ZNF512: variants seen among roughly 807,000 people sequenced by gnomAD.
The protein encoded by ZNF512 is zinc finger protein 512.
In ZNF512, 25 loss-of-function variants were observed where a neutral mutation model predicts 77.5. That is an observed-to-expected ratio of 0.32 (90% confidence interval 0.23 to 0.45). The LOEUF (loss-of-function observed/expected upper bound fraction) is 0.45. ZNF512 is among the 20% of genes least tolerant of loss of function. The probability of loss-of-function intolerance (pLI) is 1.00; values close to 1 mark genes in which losing one functional copy is unlikely to be tolerated. For missense variants in ZNF512, 483 were observed against 692.6 expected (o/e 0.70, Z 3.40); for synonymous variants, 246 against 239.9 (o/e 1.03, Z -0.24).
intron 9 of ZNF512, among the ~76,000 whole-genome samples, chr2:27,607,250 T>G (rs1672408983): frequency 6.6e-6 from 1 of 152,168 alleles, no homozygotes; most frequent in Non-Finnish European, 1.5e-5. Flanking sequence ...AGAAGTTTTA[T>G]AGTTTTATGT....
chr2:27,594,957 C>T (rs1019570522), intron 2 of ZNF512, among the ~76,000 whole-genome samples: 8 of 152,168 alleles, frequency 5.3e-5, no homozygotes, highest in Admixed American at 6.5e-5. Flanking sequence ...GGCGAAACCC[C>T]GTCTCCACCA....
intron 1 of ZNF512, 49 bp downstream of exon 1, chr2:27,583,191 C>T (rs1444031782): frequency 1.9e-6 from 3 of 1,613,492 alleles, no homozygotes; most frequent in South Asian, 2.2e-5. Flanking sequence ...CGCTGTCGAG[C>T]CCGGAACACG....
chr2:27,594,278 C>T (rs1671736365), intron 2 of ZNF512, among the ~76,000 whole-genome samples: 1 of 147,896 alleles, frequency 6.8e-6, no homozygotes, highest in Non-Finnish European at 1.5e-5. Flanking sequence ...GGCAGAGGCA[C>T]TCCTCAGTTC....
rs1672207261 is a variant in ZNF512 at position 27,603,321 on chromosome 2, C to A, written c.936+14C>A. On this transcript the variant is annotated intron_variant, in intron 9 of 13. Coordinates refer to ENST00000355467, the MANE Select transcript of ZNF512 (RefSeq NM_032434.4). ...GAGCATGGGCCTGTGAGTACTGATT[C>A]CTTTCTATACCCTGCGTGGGGATGT... 1 of 1,612,522 alleles carries A rather than the reference C, an allele frequency of 6.2e-7. No homozygotes were observed. The highest frequency in any genetic ancestry group is 1.7e-5 in the Admixed American group (1 of 59,976).
chr2:27,595,552 C>T (rs1459377543), intron 2 of ZNF512, among the ~76,000 whole-genome samples: 1 of 152,152 alleles, frequency 6.6e-6, no homozygotes, highest in Non-Finnish European at 1.5e-5. Context: ...GTCTCGAACT[C>T]CTGACCTTGT....
At chr2:27,610,528 GTATATATATGTGTGTGTATA>G (rs1267248507) in intron 10 of ZNF512, among the ~76,000 whole-genome samples, 4 of 96,550 alleles carry the variant, frequency 4.1e-5, no homozygotes, top group Non-Finnish European at 5.6e-5. Context: ...ATATGTGTGT[GTATATATATGTGTGTGTATA>G]TATATATATA....
At chr2:27,598,315 T>C in intron 3 of ZNF512, 61 bp downstream of exon 3, 1 of 1,518,726 alleles carries the variant, frequency 6.6e-7, no homozygotes, top group Non-Finnish European at 9.0e-7. Context: ...AGTTTGAGAT[T>C]GTTATAAATA....
intron 11 of ZNF512, 66 bp from the exon 12 acceptor site, chr2:27,616,196 T>C: frequency 8.0e-7 from 1 of 1,254,982 alleles, no homozygotes; most frequent in Non-Finnish European, 1.2e-6. Flanking sequence ...TCAGTGTAAA[T>C]GGCCAGATTG....
chr2:27,603,452 G>T (rs958741798), intron 9 of ZNF512, 145 bp downstream of exon 9: 9 of 842,782 alleles, frequency 1.1e-5, no homozygotes, highest in Non-Finnish European at 1.5e-5. Context: ...TTCTTTATTC[G>T]TTCTTTGTCC....
intron 3 of ZNF512, 59 bp from the exon 4 acceptor site, chr2:27,599,524 C>A (rs1672024615): frequency 1.6e-6 from 2 of 1,266,286 alleles, no homozygotes; most frequent in Non-Finnish European, 2.3e-6. Context: ...GAAGACAGGC[C>A]TAGATGTTCA....
chr2:27,599,472 A>T, intron 3 of ZNF512, 111 bp from the exon 4 acceptor site: 1 of 778,510 alleles, frequency 1.3e-6, no homozygotes, highest in Non-Finnish European at 2.2e-6. Context: ...GCCTGTGTTC[A>T]CTGATGATCT....
chr2:27,611,291 A>C (rs1351279791), intron 10 of ZNF512, among the ~76,000 whole-genome samples: 1 of 152,136 alleles, frequency 6.6e-6, no homozygotes, highest in Non-Finnish European at 1.5e-5. Context: ...AATCTGTTAT[A>C]GTTCCCCTGG....
In ZNF512 at chr2:27,617,454, G is replaced by A. The variant is rs1486699311; in HGVS notation, c.1297-19G>A. On this transcript the variant is annotated intron_variant, in intron 12 of 13. Coordinates refer to ENST00000355467, the MANE Select transcript of ZNF512 (RefSeq NM_032434.4). ...CTGAATTTACCAGTAATTCTTTTTT[G>A]TTTCTCTCTTGGAAATAGGGAAACT... The A allele has an allele frequency of 4.0e-6, 4 of 1,009,306 alleles. No individual in the cohort carries two copies. The East Asian group carries it at 9.5e-5, about 24-fold the overall frequency. The allele number at this position is 1,009,306 out of a possible 1,614,324, so 62.5% of individuals were successfully genotyped here.
intron 2 of ZNF512, among the ~76,000 whole-genome samples, chr2:27,594,235 G>A (rs1671733377): frequency 6.7e-6 from 1 of 149,398 alleles, no homozygotes; most frequent in African/African-American, 2.5e-5. Flanking sequence ...CCGGGCAGAG[G>A]CGCTCCTCAC....
intron 2 of ZNF512, among the ~76,000 whole-genome samples, chr2:27,592,977 G>C (rs1017199797): frequency 6.6e-6 from 1 of 151,652 alleles, no homozygotes; most frequent in African/African-American, 2.4e-5. Context: ...GAGCCACCAC[G>C]CCTGGCTGAT....
At chr2:27,612,307 C>T (rs1672700809) in intron 10 of ZNF512, among the ~76,000 whole-genome samples, 1 of 152,098 alleles carries the variant, frequency 6.6e-6, no homozygotes, top group Non-Finnish European at 1.5e-5. Flanking sequence ...GCTTATCTTC[C>T]ATTTTTCCTG....
chr2:27,606,211 A>G (rs915278521), intron 9 of ZNF512, among the ~76,000 whole-genome samples: 5 of 151,610 alleles, frequency 3.3e-5, no homozygotes, highest in Non-Finnish European at 7.4e-5. Flanking sequence ...GGGTTTTTTT[A>G]TCATTCCGGA....
In ZNF512 at chr2:27,602,570, C is replaced by G; in HGVS notation, c.768+9C>G. ...TCAGGTGCATGCGTGAGGTAAGGGCCCAAGGACAGCAATTCCTTCTGCCTG... is the reference window on the plus strand; with the variant it reads ...TCAGGTGCATGCGTGAGGTAAGGGCGCAAGGACAGCAATTCCTTCTGCCTG... On this transcript the variant is annotated intron_variant, in intron 8 of 13. Coordinates refer to ENST00000355467, the MANE Select transcript of ZNF512 (RefSeq NM_032434.4). 6.2e-7 allele frequency: 1 copy of G among 1,601,484 alleles called. No homozygotes were observed. Among genetic ancestry groups the G allele is most frequent in the African/African-American group, 1.3e-5 (1 of 74,344 alleles).
intron 2 of ZNF512, among the ~76,000 whole-genome samples, chr2:27,593,236 A>T (rs529982753): frequency 6.7e-6 from 1 of 149,104 alleles, no homozygotes; most frequent in Non-Finnish European, 1.5e-5. Flanking sequence ...ACACACACAC[A>T]CACACACACA....
Sources: gnomAD v4.1 joint callset for allele counts (sites outside exome capture counted in the v4.1 genomes callset) on GRCh38, gnomAD v4.1.1 for gene constraint, MANE v1.5 for transcripts, NCBI Gene and HGNC (gene_info 2026-07-23, HGNC 2026-07-21) for gene names.